Variants in LMO7 observed in about 807,000 individuals in gnomAD.
LMO7 encodes LIM domain 7, also known as LIM domain only protein 7.
A neutral mutation model predicts 206.5 loss-of-function variants in LMO7; 120 were observed. The ratio of observed to expected loss-of-function variants is 0.58; its 90% CI spans 0.50 to 0.68. The LOEUF is 0.68. Among genes scored for constraint, LMO7 ranks in the 30% least tolerant of loss-of-function variants. The pLI, the probability that LMO7 is intolerant of heterozygous loss-of-function variation, is 0.00. For synonymous variants in LMO7, 706 were observed against 681.5 expected (o/e 1.04, Z -0.56); for missense variants, 1,959 against 1,957.9 (o/e 1.00, Z -0.01).
chr13:75,691,319 G>T (rs9565184), intron 1 of LMO7, among the ~76,000 whole-genome samples: 1 of 152,172 alleles, frequency 6.6e-6, no homozygotes, highest in African/African-American at 2.4e-5. Context: ...AGTAGAGGAT[G>T]TTTGTTCAGT....
intron 15 of LMO7, among the ~76,000 whole-genome samples, chr13:75,824,315 G>A (rs2057898531): frequency 1.3e-5 from 2 of 151,728 alleles, no homozygotes; most frequent in African/African-American, 4.8e-5. Context: ...GGAGTCTAGG[G>A]ACATGGCATT....
chr13:75,850,575 T>G (rs539061004), intron 27 of LMO7, among the ~76,000 whole-genome samples: 3 of 152,272 alleles, frequency 2.0e-5, no homozygotes, highest in African/African-American at 7.2e-5. Flanking sequence ...TATTGAAGAA[T>G]GAAAGAAAAG....
rs1224148464 is a variant in LMO7 at position 75,858,391 on chromosome 13, A to T, written c.*448A>T. On this transcript the variant is annotated 3_prime_UTR_variant, in exon 31 of 31. Coordinates refer to ENST00000377534, the MANE Select transcript of LMO7 (RefSeq NM_001306080.2). ...TGTAATGTATTCTAAATTAATGCAG[A>T]ACCATATGGAAAATTTCATTAAAAT... 1.3e-5 allele frequency: 2 copies of T among 153,460 alleles called. No homozygotes were observed. Among genetic ancestry groups the T allele is most frequent in the African/African-American group, 4.8e-5 (2 of 41,602 alleles). 9.5% of individuals were successfully genotyped at this position (153,460 alleles called of 1,614,324 possible).
At chr13:75,757,337 G>A (rs2047755686) in intron 3 of LMO7, among the ~76,000 whole-genome samples, 1 of 152,216 alleles carries the variant, frequency 6.6e-6, no homozygotes, top group South Asian at 2.1e-4. Flanking sequence ...TTCAGCTAAG[G>A]CCACTCCTGA....
chr13:75,841,668 C>G lies in LMO7; in HGVS notation c.3716C>G (p.Thr1239Arg). Residue 1239 changes from threonine (T) to arginine (R), a missense_variant, in exon 24 of 31, where the codon ACA becomes AGA. Thr to Arg is a moderately conservative substitution (Grantham distance 71). Coordinates refer to ENST00000377534, the MANE Select transcript of LMO7 (RefSeq NM_001306080.2). ...VLSSNSMSLT[T>R]REPSLATWEA... ...AGCTCAAACAGCATGTCTCTGACCA[C>G]ACGGGAGCCCTCTCTTGCCACCTGG... 1 of 1,614,098 alleles carries G rather than the reference C, an allele frequency of 6.2e-7. No individual in the cohort carries two copies. The highest frequency in any genetic ancestry group is 8.5e-7 in the Non-Finnish European group (1 of 1,179,972).
chr13:75,632,392 C>T (rs527238135), upstream of LMO7, among the ~76,000 whole-genome samples: 17 of 152,058 alleles, frequency 1.1e-4, no homozygotes, highest in Non-Finnish European at 1.9e-4. Context: ...TACATGAAAT[C>T]TCCATTTTTT....
At position 75,808,002 on chromosome 13, in the gene LMO7, C is replaced by A. The variant is rs1455279419; in HGVS notation, c.1719C>A (p.Ser573Arg). 1 of 1,613,854 alleles carries A rather than the reference C, an allele frequency of 6.2e-7. No individual in the cohort carries two copies. The highest frequency in any genetic ancestry group is 8.5e-7 in the Non-Finnish European group (1 of 1,179,824). The change falls in exon 10 of 31, where the codon AGC becomes AGA. Residue 573 changes from serine to arginine, a missense_variant. Transcript: ENST00000377534. ...GCCCATCCAAAGAAAAAAGTAATAGCTGTAGAATATTAGTTCCTTCATATC... is the reference window on the plus strand; with the variant it reads ...GCCCATCCAAAGAAAAAAGTAATAGATGTAGAATATTAGTTCCTTCATATC... ...RTCPSKEKSN[S>R]CRILVPSYRQ...
At chr13:75,855,681 C>A in intron 29 of LMO7, among the ~76,000 whole-genome samples, 1 of 152,174 alleles carries the variant, frequency 6.6e-6, no homozygotes, top group East Asian at 1.9e-4. Context: ...TACAAATAAC[C>A]TACTAGTGTT....
intron 1 of LMO7, among the ~76,000 whole-genome samples, chr13:75,658,740 C>T (rs567913648): frequency 1.1e-4 from 16 of 151,914 alleles, no homozygotes; most frequent in South Asian, 2.1e-4. Flanking sequence ...CCCACCACCA[C>T]GCCCAGCTAA....
intron 13 of LMO7, among the ~76,000 whole-genome samples, chr13:75,820,611 A>G (rs1158128307): frequency 6.6e-6 from 1 of 152,226 alleles, no homozygotes; most frequent in Non-Finnish European, 1.5e-5. Context: ...ATCTCTTTAC[A>G]ATTAATAATA....
In LMO7 at chr13:75,711,728, G is replaced by A. The variant is rs547030121; in HGVS notation, c.70-1454G>A. ...ACGCTGGGAGCTGTAGACTGGAGCT[G>A]TTCCTATTTGGCCATCTTGGCTCCA... is the stretch of plus-strand genomic sequence containing the variant. On this transcript the variant is annotated intron_variant, in intron 1 of 30. Transcript: ENST00000377534. Among the ~76,000 whole-genome samples the A allele has an allele frequency of 3.3e-5, 5 of 152,336 alleles. No individual in the cohort carries two copies. The East Asian group carries it at 9.7e-4, about 29-fold the overall frequency.
chr13:75,728,955 T>C (rs2044794482), intron 3 of LMO7, among the ~76,000 whole-genome samples: 1 of 151,224 alleles, frequency 6.6e-6, no homozygotes, highest in Non-Finnish European at 1.5e-5. Flanking sequence ...GCATTATTTC[T>C]CAGGGCTCTG....
chr13:75,809,216 G>A (rs1440086605), intron 11 of LMO7, 33 bp downstream of exon 11: 1 of 1,590,148 alleles, frequency 6.3e-7, no homozygotes, highest in Non-Finnish European at 8.6e-7. Flanking sequence ...AAAAATCTGT[G>A]CGTGTTGTTT....
At position 75,821,329 on chromosome 13, in the gene LMO7, C is replaced by T. The variant is rs1404237287; in HGVS notation, c.2360C>T (p.Pro787Leu). 1.2e-6 allele frequency: 2 copies of T among 1,614,120 alleles called. No homozygotes were observed. The highest frequency in any genetic ancestry group is 1.1e-5 in the South Asian group (1 of 91,078). ...GTAGAAGAGAAGGGAGCAACTTATC[C>T]TTCAGAAATTCCCAAAGAAGATTCT... ...ERVEEKGATY[P>L]SEIPKEDSTT... is the part of the protein sequence containing the mutation. The change falls in exon 14 of 31, where the codon CCT (proline) becomes CTT (leucine). Residue 787 changes from proline to leucine, a missense_variant. Physicochemically the swap from Pro to Leu is moderately conservative, Grantham distance 98 (BLOSUM62 -3). Transcript: ENST00000377534.
chr13:75,852,923 T>TA lies in LMO7; in HGVS notation c.4365-167dup, dbSNP rs143622218. 6.4e-3 allele frequency among the ~76,000 whole-genome samples: 973 copies of TA among 152,314 alleles called. 4 individuals carry two copies. Among genetic ancestry groups the TA allele is most frequent in the Non-Finnish European group, 0.01 (698 of 68,028 alleles). ...AACTTATGATGGGTTTATTGAGACA[T>TA]AACCCCATCATCATACATCAAGGAA... On this transcript the variant is annotated intron_variant, in intron 27 of 30. Transcript: ENST00000377534.
At position 75,807,469 on chromosome 13, in the gene LMO7, CTG is replaced by C. The variant is rs754893240; in HGVS notation, c.1197-8_1197-7del. ...TAAGATTCTCTTTCCTTTTTCCTCT[CTG>C]TGCATCAGTCAGTTTTTACTGCTTC... On this transcript the variant is annotated splice_polypyrimidine_tract_variant and intron_variant, in intron 9 of 30. Transcript: ENST00000377534. 6.2e-7 allele frequency: 1 copy of C among 1,610,184 alleles called. No individual in the cohort carries two copies. The highest frequency in any genetic ancestry group is 8.5e-7 in the Non-Finnish European group (1 of 1,178,562).
intron 4 of LMO7, among the ~76,000 whole-genome samples, chr13:75,793,735 G>C (rs2053616565): frequency 6.6e-6 from 1 of 152,108 alleles, no homozygotes; most frequent in African/African-American, 2.4e-5. Flanking sequence ...ATACTTTTTG[G>C]AAACTGAGCA....
intron 1 of LMO7, among the ~76,000 whole-genome samples, chr13:75,665,316 AAAG>A (rs1382891520): frequency 1.3e-5 from 2 of 152,090 alleles, no homozygotes; most frequent in African/African-American, 4.8e-5. Context: ...TTTTTTTAAA[AAAG>A]GGTTATTTTC....
intron 15 of LMO7, among the ~76,000 whole-genome samples, chr13:75,831,053 AC>A (rs2058618157): frequency 6.6e-6 from 1 of 152,094 alleles, no homozygotes; most frequent in East Asian, 1.9e-4. Flanking sequence ...GTCATCTCTA[AC>A]TTAAGTGTAT....
Sources: allele counts gnomAD v4.1 joint callset (sites outside exome capture counted in the v4.1 genomes callset), GRCh38; gene constraint gnomAD v4.1.1; transcripts MANE v1.5; gene names NCBI Gene and HGNC (gene_info 2026-07-23, HGNC 2026-07-21).